The following LCORL variants were observed in gnomAD, a reference collection of about 807,000 sequenced individuals.
LCORL encodes ligand-dependent nuclear receptor corepressor-like protein.
In LCORL, 41 loss-of-function variants were observed where a neutral mutation model predicts 141.8. The ratio of observed to expected loss-of-function variants is 0.29; its 90% CI spans 0.23 to 0.38. The LOEUF (loss-of-function observed/expected upper bound fraction) is 0.38, where lower values mean the gene tolerates loss of function less well. LCORL is among the 10% of genes least tolerant of loss of function. The probability of loss-of-function intolerance (pLI) is 1.00; values close to 1 mark genes in which losing one functional copy is unlikely to be tolerated. For synonymous variants in LCORL, 618 were observed against 694.1 expected (o/e 0.89, Z 1.72); for missense variants, 1,759 against 2,035.0 (o/e 0.86, Z 2.61).
At chr4:17,864,592 A>G in intron 7 of LCORL, among the ~76,000 whole-genome samples, 1 of 152,250 alleles carries the variant, frequency 6.6e-6, no homozygotes, top group East Asian at 1.9e-4. Context: ...AAGAGAAAAA[A>G]GGGTGGAACA....
At chr4:17,907,730 C>T (rs993467454) in intron 5 of LCORL, among the ~76,000 whole-genome samples, 2 of 152,122 alleles carry the variant, frequency 1.3e-5, no homozygotes, top group African/African-American at 4.8e-5. Context: ...TTTTAAAGCT[C>T]ATCAGCTATA....
intron 1 of LCORL, among the ~76,000 whole-genome samples, chr4:17,999,013 T>TACACAC (rs1175197452): frequency 4.1e-4 from 16 of 38,860 alleles, no homozygotes; most frequent in South Asian, 4.0e-3. Context: ...TACACACATA[T>TACACAC]ATATATATAT....
intron 4 of LCORL, among the ~76,000 whole-genome samples, chr4:17,942,499 G>T (rs1017214898): frequency 6.6e-6 from 1 of 152,092 alleles, no homozygotes; most frequent in African/African-American, 2.4e-5. Context: ...AAGACTGTAA[G>T]CAAAATGCAA....
chr4:17,935,041 T>C (rs1365956828), intron 4 of LCORL, among the ~76,000 whole-genome samples: 2 of 152,140 alleles, frequency 1.3e-5, no homozygotes, highest in Non-Finnish European at 2.9e-5. Context: ...GAAACAGTTC[T>C]GACTAAAAAA....
At chr4:17,923,457 C>T (rs896145455) in intron 4 of LCORL, among the ~76,000 whole-genome samples, 3 of 152,158 alleles carry the variant, frequency 2.0e-5, no homozygotes, top group South Asian at 4.1e-4. Flanking sequence ...ACCAGCCTGG[C>T]CAACATGGTG....
At chr4:17,901,788 CA>C (rs1730924945) in intron 5 of LCORL, among the ~76,000 whole-genome samples, 1 of 151,816 alleles carries the variant, frequency 6.6e-6, no homozygotes, top group African/African-American at 2.4e-5. Flanking sequence ...GAAAAAAAAG[CA>C]TAACAAGACC....
exon 8 of LCORL, chr4:17,845,708 G>A: frequency 6.3e-7 from 1 of 1,589,784 alleles, no homozygotes; most frequent in Non-Finnish European, 8.6e-7. Context: ...GATAGTGCAA[G>A]AAGAACTGCA....
intron 1 of LCORL, among the ~76,000 whole-genome samples, chr4:17,989,781 A>G (rs1433346118): frequency 2.6e-5 from 4 of 152,230 alleles, no homozygotes; most frequent in Non-Finnish European, 5.9e-5. Flanking sequence ...AAACAACACA[A>G]ATTTACTCAT....
At chr4:17,982,846 A>G (rs1718259429) in intron 1 of LCORL, among the ~76,000 whole-genome samples, 1 of 152,168 alleles carries the variant, frequency 6.6e-6, no homozygotes, top group African/African-American at 2.4e-5. Context: ...GCCCGTGCCT[A>G]TGTCCTAAAT....
At chr4:17,882,052 A>T in intron 6 of LCORL, 2 of 983,760 alleles carry the variant, frequency 2.0e-6, no homozygotes, top group Non-Finnish European at 2.4e-6. Flanking sequence ...TTAAGTATAG[A>T]TCTCAGAGAC....
At chr4:17,981,152 T>C (rs1717913585) in intron 1 of LCORL, among the ~76,000 whole-genome samples, 1 of 152,212 alleles carries the variant, frequency 6.6e-6, no homozygotes, top group Non-Finnish European at 1.5e-5. Context: ...ATTACAAACA[T>C]TGCTGCACTG....
intron 4 of LCORL, among the ~76,000 whole-genome samples, chr4:17,927,679 T>C (rs573754084): frequency 7.2e-5 from 11 of 152,264 alleles, no homozygotes; most frequent in African/African-American, 2.4e-4. Context: ...GATGGGAAAA[T>C]GACTGGTCAG....
intron 7 of LCORL, among the ~76,000 whole-genome samples, chr4:17,846,460 T>G (rs1415032328): frequency 2.0e-5 from 3 of 152,142 alleles, no homozygotes; most frequent in Non-Finnish European, 2.9e-5. Flanking sequence ...CCTTTCTCTT[T>G]TCCTTATGCT....
At chr4:17,958,159 AT>A (rs1713054091) in intron 4 of LCORL, among the ~76,000 whole-genome samples, 1 of 151,924 alleles carries the variant, frequency 6.6e-6, no homozygotes, top group African/African-American at 2.4e-5. Flanking sequence ...CTGGCTATCA[AT>A]TAACTTAAGG....
chr4:17,912,119 T>C (rs1732649463), intron 4 of LCORL: 1 of 853,232 alleles, frequency 1.2e-6, no homozygotes, highest in Non-Finnish European at 2.0e-6. Flanking sequence ...GCTCAAATTT[T>C]CGCAAATACT....
At position 17,956,415 on chromosome 4, in the gene LCORL, T is replaced by C. The variant is rs147964503; in HGVS notation, c.430+5488A>G. Among the ~76,000 whole-genome samples the C allele has an allele frequency of 4.1e-4, 62 of 152,122 alleles. 2 individuals are homozygous for C. The East Asian group carries it at 0.012, about 28-fold the overall frequency. ...AAGTTATGAATTCAACTTAAATGTC[T>C]ATGAATGGATAAAGAAAATGTGGTA... is the stretch of plus-strand genomic sequence containing the variant. On this transcript the variant is annotated intron_variant, in intron 4 of 7. Transcript: ENST00000635767.
chr4:17,985,009 T>G (rs769746715), intron 1 of LCORL, among the ~76,000 whole-genome samples: 2 of 152,174 alleles, frequency 1.3e-5, no homozygotes, highest in Non-Finnish European at 2.9e-5. Flanking sequence ...AATTTCATTA[T>G]TTATCCAAAA....
chr4:17,948,965 G>A lies in LCORL; in HGVS notation c.430+12938C>T, dbSNP rs531059424. On this transcript the variant is annotated intron_variant, in intron 4 of 7. Transcript: ENST00000635767. ...AGGGTCTAAGCAGCGTAAGGGCTGA[G>A]AATATGTCCTTGTTTTTGGCAAATT... 3.3e-5 allele frequency among the ~76,000 whole-genome samples: 5 copies of A among 152,164 alleles called. No individual in the cohort carries two copies. In the East Asian group the frequency reaches 9.7e-4, roughly 29 times the overall value.
At chr4:17,965,560 G>C (rs1324242560) in intron 2 of LCORL, among the ~76,000 whole-genome samples, 2 of 152,048 alleles carry the variant, frequency 1.3e-5, no homozygotes, top group Non-Finnish European at 2.9e-5. Context: ...AAAACTAATA[G>C]TCAATGAATG....
Sources: gnomAD v4.1 joint callset for allele counts (sites outside exome capture counted in the v4.1 genomes callset) on GRCh38, gnomAD v4.1.1 for gene constraint, MANE v1.5 for transcripts, NCBI Gene and HGNC (gene_info 2026-07-23, HGNC 2026-07-21) for gene names.